Variants in CACNA1E observed in about 807,000 individuals in gnomAD.
CACNA1E encodes the protein voltage-dependent R-type calcium channel subunit alpha-1E.
In CACNA1E, 40 loss-of-function variants were observed where a neutral mutation model predicts 259.2. The observed-to-expected ratio is 0.15, with a 90% confidence interval of 0.12 to 0.20. The LOEUF (loss-of-function observed/expected upper bound fraction) is 0.20, where lower values mean the gene tolerates loss of function less well. CACNA1E is among the 10% of genes least tolerant of loss of function. The probability of loss-of-function intolerance (pLI) is 1.00; values close to 1 mark genes in which losing one functional copy is unlikely to be tolerated. For synonymous variants in CACNA1E, 1,104 were observed against 1,138.5 expected (o/e 0.97, Z 0.61); for missense variants, 1,874 against 3,040.1 (o/e 0.62, Z 9.02).
intron 1 of CACNA1E, among the ~76,000 whole-genome samples, chr1:181,360,948 C>A (rs1653842087): frequency 6.6e-6 from 1 of 152,148 alleles, no homozygotes; most frequent in African/African-American, 2.4e-5. Flanking sequence ...TCTCAGATCC[C>A]TTAAACCTGT....
At chr1:181,469,948 C>T (rs975181493) in intron 2 of CACNA1E, among the ~76,000 whole-genome samples, 4 of 152,050 alleles carry the variant, frequency 2.6e-5, no homozygotes, top group Admixed American at 6.6e-5. Context: ...CTTCTTAGTG[C>T]TTCAGCCAGA....
intron 3 of CACNA1E, among the ~76,000 whole-genome samples, chr1:181,564,218 A>G (rs1023356678): frequency 1.3e-5 from 2 of 152,152 alleles, no homozygotes; most frequent in African/African-American, 4.8e-5. Flanking sequence ...GGTTTATAGC[A>G]TTTGTCTCAC....
At chr1:181,478,571 T>C (rs1663016167), upstream of CACNA1E, among the ~76,000 whole-genome samples, 1 of 152,130 alleles carries the variant, frequency 6.6e-6, no homozygotes, top group African/African-American at 2.4e-5. Context: ...TTGGAAAAGC[T>C]CAACGGAGGA....
At chr1:181,581,565 G>A (rs559514201) in intron 6 of CACNA1E, among the ~76,000 whole-genome samples, 4 of 152,318 alleles carry the variant, frequency 2.6e-5, no homozygotes, top group Admixed American at 6.5e-5. Flanking sequence ...TGTCAGGGAT[G>A]TTGGGGATTC....
At chr1:181,331,774 G>T (rs1159979885) in intron 1 of CACNA1E, among the ~76,000 whole-genome samples, 1 of 152,170 alleles carries the variant, frequency 6.6e-6, no homozygotes, top group African/African-American at 2.4e-5. Context: ...TTAAGATAAT[G>T]AAACAGTTTC....
intron 27 of CACNA1E, 66 bp from the exon 28 acceptor site, chr1:181,755,171 C>G: frequency 7.2e-7 from 1 of 1,383,824 alleles, no homozygotes. Context: ...TGGCCCAGCT[C>G]GGCTCTAGGC....
At chr1:181,797,289 G>A (rs764589129) in intron 47 of CACNA1E, among the ~76,000 whole-genome samples, 2 of 152,142 alleles carry the variant, frequency 1.3e-5, no homozygotes, top group South Asian at 2.1e-4. Context: ...GCTTGCAGCC[G>A]TCCCAGCAAG....
Position 181,643,228 on chromosome 1 carries a change from A to G in CACNA1E, c.952-8110A>G, listed in dbSNP as rs112805627. ...CCACATCAGCCCCAGCAGTTACAAG[A>G]AGACCTTAAAGTCTTTAGAGGATCC... On this transcript the variant is annotated intron_variant, in intron 6 of 47. Coordinates refer to ENST00000367573, the MANE Select transcript of CACNA1E (RefSeq NM_001205293.3). Among the ~76,000 whole-genome samples the G allele has an allele frequency of 3.2e-3, 491 of 152,346 alleles. 2 individuals carry two copies. Among genetic ancestry groups the G allele is most frequent in the African/African-American group, 0.011 (473 of 41,574 alleles).
intron 1 of CACNA1E, among the ~76,000 whole-genome samples, chr1:181,349,385 T>A (rs1194628506): frequency 6.6e-6 from 1 of 152,096 alleles, no homozygotes; most frequent in South Asian, 2.1e-4. Context: ...CCCAGTCTTG[T>A]TGGGAAGAAC....
At chr1:181,325,522 A>T (rs56153417) in intron 1 of CACNA1E, among the ~76,000 whole-genome samples, 4,007 of 152,260 alleles carry the variant, frequency 0.026, 79 homozygotes, top group Non-Finnish European at 0.035. Context: ...CTGGATCAGA[A>T]ACTCTAGGGG....
rs540585886 is a variant in CACNA1E, at chr1:181,639,617, A to C, written c.952-11721A>C. Among the ~76,000 whole-genome samples the C allele has an allele frequency of 1.2e-4, 18 of 152,300 alleles. No homozygotes were observed. The East Asian group carries it at 3.5e-3, about 29-fold the overall frequency. On this transcript the variant is annotated intron_variant, in intron 6 of 47. Coordinates refer to ENST00000367573, the MANE Select transcript of CACNA1E (RefSeq NM_001205293.3). ...CACTGCTCTTCCTACATTCCACCCT[A>C]ATGAACGGCAGAGAGAGCTATGCAA...
At chr1:181,351,259 G>T (rs995961956) in intron 1 of CACNA1E, among the ~76,000 whole-genome samples, 1 of 152,156 alleles carries the variant, frequency 6.6e-6, no homozygotes, top group African/African-American at 2.4e-5. Flanking sequence ...GTGGGGAGTG[G>T]ATGTGCTGAG....
intron 38 of CACNA1E, among the ~76,000 whole-genome samples, chr1:181,780,139 C>T (rs1195440910): frequency 6.6e-6 from 1 of 152,030 alleles, no homozygotes; most frequent in Non-Finnish European, 1.5e-5. Flanking sequence ...GTAAAAGAGG[C>T]ATGGATTTGG....
At chr1:181,700,322 T>C (rs1652115064) in intron 7 of CACNA1E, among the ~76,000 whole-genome samples, 1 of 152,144 alleles carries the variant, frequency 6.6e-6, no homozygotes, top group African/African-American at 2.4e-5. Context: ...CCTCAGTTGT[T>C]TTAGGTCAAG....
At chr1:181,383,586 C>T (rs975338581) in intron 1 of CACNA1E, among the ~76,000 whole-genome samples, 2 of 152,200 alleles carry the variant, frequency 1.3e-5, no homozygotes, top group Non-Finnish European at 2.9e-5. Flanking sequence ...TTAAAACGGT[C>T]TGTGGGGAGA....
intron 6 of CACNA1E, among the ~76,000 whole-genome samples, chr1:181,608,057 C>G (rs1230447844): frequency 6.6e-6 from 1 of 152,108 alleles, no homozygotes; most frequent in African/African-American, 2.4e-5. Context: ...AGAGGGGCTG[C>G]CTGACCGTGA....
At chr1:181,623,509 A>G (rs1227146230) in intron 6 of CACNA1E, among the ~76,000 whole-genome samples, 1 of 152,262 alleles carries the variant, frequency 6.6e-6, no homozygotes, top group African/African-American at 2.4e-5. Flanking sequence ...TTCGTAGATT[A>G]CAAATTTTGA....
In CACNA1E at chr1:181,804,890, C is replaced by G. The variant is rs1193586311; in HGVS notation, c.*6056C>G. ...TGCTTTAATTTCACTCTATTCTTCC[C>G]ATTTTCCCTTATTCTTCTTGTTGTC... On this transcript the variant is annotated 3_prime_UTR_variant, in exon 48 of 48. Coordinates refer to ENST00000367573, the MANE Select transcript of CACNA1E (RefSeq NM_001205293.3). 1 of 149,980 alleles carries G rather than the reference C, an allele frequency of 6.7e-6. No individual in the cohort carries two copies. The highest frequency in any genetic ancestry group is 2.4e-5 in the African/African-American group (1 of 40,850). The allele number at this position is 149,980 out of a possible 1,614,324, so 9.3% of individuals were successfully genotyped here. A position where few individuals can be genotyped will look rare whatever the true frequency, so the allele number is the denominator to read the frequency against.
At chr1:181,467,710 T>A (rs1344034458) in intron 2 of CACNA1E, among the ~76,000 whole-genome samples, 1 of 152,154 alleles carries the variant, frequency 6.6e-6, no homozygotes. Context: ...AATGAAAGTG[T>A]ACATAGTGAG....
Sources: gnomAD v4.1 joint callset for allele counts (sites outside exome capture counted in the v4.1 genomes callset) on GRCh38, gnomAD v4.1.1 for gene constraint, MANE v1.5 for transcripts, NCBI Gene and HGNC (gene_info 2026-07-23, HGNC 2026-07-21) for gene names.